Variants in ARHGAP20 observed in about 807,000 individuals in gnomAD.
The protein encoded by ARHGAP20 is rho GTPase-activating protein 20.
ARHGAP20 carries 34 observed loss-of-function variants against 73.7 expected under a neutral mutation model. That is an observed-to-expected ratio of 0.46 (90% CI 0.35 to 0.61). The LOEUF (loss-of-function observed/expected upper bound fraction) is 0.61. Among genes scored for constraint, ARHGAP20 ranks in the 20% least tolerant of loss-of-function variants. The probability of loss-of-function intolerance (pLI) is 0.00; values close to 1 mark genes in which losing one functional copy is unlikely to be tolerated. For synonymous variants in ARHGAP20, 523 were observed against 518.2 expected (o/e 1.01, Z -0.13); for missense variants, 1,314 against 1,420.9 (o/e 0.92, Z 1.21).
intron 2 of ARHGAP20, among the ~76,000 whole-genome samples, chr11:110,637,575 A>C (rs1159304239): frequency 6.6e-6 from 1 of 152,090 alleles, no homozygotes; most frequent in Non-Finnish European, 1.5e-5. Flanking sequence ...CCATATAATA[A>C]ATTATTTGTA....
At chr11:110,680,795 T>C (rs1950023167) in intron 2 of ARHGAP20, among the ~76,000 whole-genome samples, 3 of 152,156 alleles carry the variant, frequency 2.0e-5, no homozygotes, top group African/African-American at 4.8e-5. Context: ...ACAGATGTAT[T>C]TGATCATTTT....
At chr11:110,621,096 A>AT (rs1331296615) in intron 4 of ARHGAP20, among the ~76,000 whole-genome samples, 1 of 150,794 alleles carries the variant, frequency 6.6e-6, no homozygotes, top group Non-Finnish European at 1.5e-5. Context: ...AAAAAAAAAA[A>AT]AGCTCCACTG....
In ARHGAP20 at chr11:110,626,326, A is replaced by G. The variant is rs183902447; in HGVS notation, c.354-2015T>C. On this transcript the variant is annotated intron_variant, in intron 3 of 14. Transcript: ENST00000683387. ...AAGTCATCCCAAAGATCCTTTCCCT[A>G]GATCAATAAGGTGCTACATTATCCA... 2.8e-3 allele frequency among the ~76,000 whole-genome samples: 419 copies of G among 152,308 alleles called. 2 individuals are homozygous for G. The highest frequency in any genetic ancestry group is 4.2e-3 in the Non-Finnish European group (289 of 68,032).
intron 3 of ARHGAP20, among the ~76,000 whole-genome samples, chr11:110,629,229 G>T (rs1332103355): frequency 6.6e-6 from 1 of 152,116 alleles, no homozygotes; most frequent in Non-Finnish European, 1.5e-5. Flanking sequence ...GAAAGAAGCA[G>T]CCGTTGGAAG....
chr11:110,681,600 T>A (rs1018951972), intron 2 of ARHGAP20, among the ~76,000 whole-genome samples: 1 of 152,210 alleles, frequency 6.6e-6, no homozygotes, highest in African/African-American at 2.4e-5. Flanking sequence ...GAAAGTATGA[T>A]AAGCTATTAT....
chr11:110,602,540 G>C (rs1296378444), intron 9 of ARHGAP20, among the ~76,000 whole-genome samples: 1 of 152,156 alleles, frequency 6.6e-6, no homozygotes, highest in African/African-American at 2.4e-5. Flanking sequence ...TAAAAGTTAA[G>C]TTTCTGAGTG....
At chr11:110,585,757 GCTTCCACAA>G (rs1321772319) in intron 12 of ARHGAP20, among the ~76,000 whole-genome samples, 2 of 152,042 alleles carry the variant, frequency 1.3e-5, no homozygotes, top group African/African-American at 4.8e-5. Flanking sequence ...TCTTTGCTGT[GCTTCCACAA>G]CACTCTCCAA....
Position 110,579,805 on chromosome 11 carries a change from G to T in ARHGAP20, c.3141C>A (p.Asn1047Lys). 1 of 1,614,118 alleles carries T rather than the reference G, an allele frequency of 6.2e-7. No individual in the cohort carries two copies. Among genetic ancestry groups the T allele is most frequent in the Non-Finnish European group, 8.5e-7 (1 of 1,180,030 alleles). Reference protein sequence around the residue: ...WLRNGVASLKNWSLKKKAKAA... With the variant: ...WLRNGVASLKKWSLKKKAKAA... Reference sequence around the variant, plus strand: ...CCTTTGCTTTCTTTTTGAGGGACCAGTTTTTCAAACTGGCCACACCATTTC... The same window carrying T: ...CCTTTGCTTTCTTTTTGAGGGACCATTTTTTCAAACTGGCCACACCATTTC... Residue 1047 changes from asparagine to lysine, a missense_variant, in exon 15 of 15, where the codon AAC (asparagine) becomes AAA (lysine). Asn to Lys is a moderately conservative substitution (Grantham distance 94). This residue lies in a region of ARHGAP20 where 641 missense variants were observed against 636.9 expected (regional missense o/e 1.01). Coordinates refer to ENST00000683387, the MANE Select transcript of ARHGAP20 (RefSeq NM_001384657.1).
chr11:110,580,518 A>T lies in ARHGAP20; in HGVS notation c.2428T>A (p.Ser810Thr). ...AISVASYSPM[S>T]SQDHSKNQPF... Reference sequence around the variant, plus strand: ...TGGTTCTTGGAATGATCCTGTGAGGACATAGGACTATAAGATGCCACAGAA... The same window carrying T: ...TGGTTCTTGGAATGATCCTGTGAGGTCATAGGACTATAAGATGCCACAGAA... Residue 810 changes from serine to threonine, a missense_variant, in exon 15 of 15, where the codon TCC becomes ACC. By Grantham distance (58) the Ser-to-Thr change is moderately conservative. Coordinates refer to ENST00000683387, the MANE Select transcript of ARHGAP20 (RefSeq NM_001384657.1). The T allele has an allele frequency of 6.2e-7, 1 of 1,614,226 alleles. No homozygotes were observed. The highest frequency in any genetic ancestry group is 1.1e-5 in the South Asian group (1 of 91,086).
intron 9 of ARHGAP20, among the ~76,000 whole-genome samples, chr11:110,597,307 A>AC (rs1947993589): frequency 6.6e-6 from 1 of 151,146 alleles, no homozygotes; most frequent in South Asian, 2.1e-4. Flanking sequence ...AAAAAAAAAA[A>AC]CTGAAAAGGA....
rs962808600 is a variant in ARHGAP20, at chr11:110,696,622, C to T, written c.106-5993G>A. Among the ~76,000 whole-genome samples the T allele has an allele frequency of 2.0e-5, 3 of 150,794 alleles. 1 individual carries two copies. Among genetic ancestry groups the T allele is most frequent in the African/African-American group, 4.9e-5 (2 of 40,764 alleles). ...ATGTGCATGTGCATGTTTGCTACAT[C>T]GGTATATTGTGTACTGGTGAGGATT... On this transcript the variant is annotated intron_variant, in intron 1 of 14. Transcript: ENST00000683387.
chr11:110,657,434 G>C (rs1303880632), intron 2 of ARHGAP20, among the ~76,000 whole-genome samples: 1 of 152,068 alleles, frequency 6.6e-6, no homozygotes, highest in Non-Finnish European at 1.5e-5. Flanking sequence ...AACATAATGG[G>C]AATTTAGTGT....
chr11:110,607,798 A>G (rs2134879609), intron 8 of ARHGAP20, among the ~76,000 whole-genome samples: 1 of 152,346 alleles, frequency 6.6e-6, no homozygotes, highest in East Asian at 1.9e-4. Flanking sequence ...CTGCTAAATC[A>G]TGGGACAATA....
At position 110,712,308 on chromosome 11, in the gene ARHGAP20, G is replaced by T. The variant is rs547810908; in HGVS notation, c.-77C>A. On this transcript the variant is annotated 5_prime_UTR_variant, in exon 1 of 15. Coordinates refer to ENST00000683387, the MANE Select transcript of ARHGAP20 (RefSeq NM_001384657.1). ...TCCGCGGGCTGCCGGCCGGAGGGGC[G>T]AGGACGCGCGGGCGGAGGCGCGGCT... 2.5e-6 allele frequency: 3 copies of T among 1,184,624 alleles called. No individual in the cohort carries two copies. Among genetic ancestry groups the T allele is most frequent in the African/African-American group, 1.6e-5 (1 of 62,646 alleles). 73.4% of individuals were successfully genotyped at this position (1,184,624 alleles called of 1,614,324 possible). A position where few individuals can be genotyped will look rare whatever the true frequency, so the allele number is the denominator to read the frequency against.
At chr11:110,671,718 T>A (rs1370255367) in intron 2 of ARHGAP20, among the ~76,000 whole-genome samples, 1 of 152,098 alleles carries the variant, frequency 6.6e-6, no homozygotes, top group African/African-American at 2.4e-5. Context: ...AAAAAAGTCA[T>A]AATATCGACA....
At chr11:110,653,056 A>G (rs1016289516) in intron 2 of ARHGAP20, among the ~76,000 whole-genome samples, 1 of 152,186 alleles carries the variant, frequency 6.6e-6, no homozygotes, top group Non-Finnish European at 1.5e-5. Context: ...CTTACATCTT[A>G]TACAAAAATT....
rs151315043 is a variant in ARHGAP20 at position 110,631,567 on chromosome 11, C to T, written c.189-775G>A. Among the ~76,000 whole-genome samples the T allele has an allele frequency of 2.0e-5, 3 of 152,324 alleles. No individual in the cohort carries two copies. The East Asian group carries it at 5.8e-4, about 29-fold the overall frequency. ...AACTACACCCAGCACCTGCTGGCCA[C>T]TGAAAAGAGAGTGTCTGTGGTTATG... is the stretch of plus-strand genomic sequence containing the variant. On this transcript the variant is annotated intron_variant, in intron 2 of 14. Transcript: ENST00000683387.
At chr11:110,663,795 C>G (rs10891159) in intron 2 of ARHGAP20, among the ~76,000 whole-genome samples, 44,398 of 151,850 alleles carry the variant, frequency 0.29, 7,532 homozygotes, top group African/African-American at 0.48. Flanking sequence ...GACATTATAC[C>G]AAAAGAAAAG....
intron 6 of ARHGAP20, among the ~76,000 whole-genome samples, chr11:110,611,598 A>C (rs915583111): frequency 3.9e-5 from 6 of 152,184 alleles, no homozygotes; most frequent in African/African-American, 1.4e-4. Context: ...TTTCTCTTAA[A>C]GGATGCATGG....
Sources: gnomAD v4.1 joint callset for allele counts (sites outside exome capture counted in the v4.1 genomes callset) on GRCh38, gnomAD v4.1.1 for gene constraint, gnomAD v4.1.1 regional missense constraint, MANE v1.5 for transcripts, NCBI Gene and HGNC (gene_info 2026-07-23, HGNC 2026-07-21) for gene names.